Variants in UBE2S observed in about 807,000 individuals in gnomAD.
UBE2S encodes ubiquitin-conjugating enzyme E2 S.
Under a neutral mutation model 12.3 loss-of-function variants are expected in UBE2S, and 3 were observed. That is an observed-to-expected ratio of 0.24 (90% confidence interval 0.11 to 0.63). The LOEUF (loss-of-function observed/expected upper bound fraction) is 0.63. UBE2S is among the 30% of genes least tolerant of loss of function. UBE2S has a pLI of 0.85. For missense variants in UBE2S, 211 were observed against 313.9 expected (o/e 0.67, Z 2.48); for synonymous variants, 133 against 142.0 (o/e 0.94, Z 0.45).
Position 55,407,784 on chromosome 19 carries a change from G to A in UBE2S, c.-195C>T, listed in dbSNP as rs954403285. On this transcript the variant is annotated 5_prime_UTR_variant, in exon 1 of 4. Transcript: ENST00000264552. Reference sequence around the variant, plus strand: ...CGCCGCCCCGGTGCCCGGCAGCACTGAGCCGGCCGCGCGCGCACCACTGCC... The same window carrying A: ...CGCCGCCCCGGTGCCCGGCAGCACTAAGCCGGCCGCGCGCGCACCACTGCC... 8.0e-5 allele frequency: 28 copies of A among 350,466 alleles called. No homozygotes were observed. Among genetic ancestry groups the A allele is most frequent in the Admixed American group, 4.9e-5 (1 of 20,512 alleles). 21.7% of individuals were successfully genotyped at this position (350,466 alleles called of 1,614,324 possible).
chr19:55,401,852 T>G, intron 3 of UBE2S, 90 bp from the exon 4 acceptor site: 2 of 1,362,742 alleles, frequency 1.5e-6, no homozygotes, highest in South Asian at 1.2e-5. Flanking sequence ...CACTGGCTGT[T>G]CCTTCTGCTC....
intron 2 of UBE2S, 98 bp downstream of exon 2, chr19:55,406,717 A>G: frequency 6.8e-7 from 1 of 1,474,390 alleles, no homozygotes; most frequent in Non-Finnish European, 9.1e-7. Flanking sequence ...ACCTGACACG[A>G]GGCCAGCCTG....
At chr19:55,405,070 C>A (rs1028034809) in intron 2 of UBE2S, among the ~76,000 whole-genome samples, 3 of 149,936 alleles carry the variant, frequency 2.0e-5, no homozygotes, top group Admixed American at 6.7e-5. Flanking sequence ...ATTAGCCAGG[C>A]GTGGTGGTGC....
rs1401838892 is a variant in UBE2S, at chr19:55,399,948, C to G, written c.*1488G>C. 1 of 152,180 alleles carries G rather than the reference C, an allele frequency of 6.6e-6. No homozygotes were observed. Among genetic ancestry groups the G allele is most frequent in the Non-Finnish European group, 1.5e-5 (1 of 68,054 alleles). 9.4% of individuals were successfully genotyped at this position (152,180 alleles called of 1,614,324 possible). On this transcript the variant is annotated 3_prime_UTR_variant, in exon 4 of 4. Coordinates refer to ENST00000264552, the MANE Select transcript of UBE2S (RefSeq NM_014501.3). ...AAATCTGAAGGGTTTCTTCCCTTGT[C>G]TTTCCTTCGCTCCCTGCACTGCTAG...
At position 55,404,231 on chromosome 19, in the gene UBE2S, C is replaced by T. The variant is rs886798458; in HGVS notation, c.342+57G>A. On this transcript the variant is annotated intron_variant, in intron 3 of 3. Transcript: ENST00000264552. This position sits in a 1 kb window ranked among gnomAD's most constrained non-coding sequence, Gnocchi z 4.4. Reference sequence around the variant, plus strand: ...ACTAAACAAAGCGCTATGGCTCAGACACCAGCAGACCTCCAGAGGCAGGAG... The same window carrying T: ...ACTAAACAAAGCGCTATGGCTCAGATACCAGCAGACCTCCAGAGGCAGGAG... 5 of 1,605,448 alleles carry T rather than the reference C, an allele frequency of 3.1e-6. No homozygotes were observed. The African/African-American group carries it at 5.3e-5, about 17-fold the overall frequency.
At position 55,401,116 on chromosome 19, in the gene UBE2S, CAA is replaced by C. The variant is rs1330681280; in HGVS notation, c.*318_*319del. Reference sequence around the variant, plus strand: ...TTGTGACCGCTCTACCTCCACAGAACAAAGAGGTGGACCCAAACCTCAAACAG... The same window carrying C: ...TTGTGACCGCTCTACCTCCACAGAACAGAGGTGGACCCAAACCTCAAACAG... On this transcript the variant is annotated 3_prime_UTR_variant, in exon 4 of 4. Transcript: ENST00000264552. 1 of 418,178 alleles carries C rather than the reference CAA, an allele frequency of 2.4e-6. No individual in the cohort carries two copies. The highest frequency in any genetic ancestry group is 2.1e-5 in the African/African-American group (1 of 48,338). 25.9% of individuals were successfully genotyped at this position (418,178 alleles called of 1,614,324 possible).
Position 55,400,163 on chromosome 19 carries a change from G to A in UBE2S, c.*1273C>T, listed in dbSNP as rs2090046546. ...CTTTGAGTTTTCCACTCTCCTATGG[G>A]TCAGAACTTGTAGATTTTTATTGTA... On this transcript the variant is annotated 3_prime_UTR_variant, in exon 4 of 4. Coordinates refer to ENST00000264552, the MANE Select transcript of UBE2S (RefSeq NM_014501.3). The A allele has an allele frequency of 2.0e-5, 3 of 152,112 alleles. No homozygotes were observed. The South Asian group carries it at 6.2e-4, about 32-fold the overall frequency. The allele number at this position is 152,112 out of a possible 1,614,324, so 9.4% of individuals were successfully genotyped here.
At position 55,406,851 on chromosome 19, in the gene UBE2S, C is replaced by G. The variant is rs780705474; in HGVS notation, c.115G>C (p.Asp39His). ...DGIKVFPNEE[D>H]LTDLQVTIEG... is the part of the protein sequence containing the mutation. The stretch of plus-strand genomic sequence containing the variant: ...ATGGTGACCTGGAGGTCGGTGAGGT[C>G]CTCCTCGTTGGGAAAGACCTTGATG... Residue 39 changes from aspartate (D) to histidine (H), a missense_variant, in exon 2 of 4, where the codon GAC becomes CAC. Transcript: ENST00000264552. The G allele has an allele frequency of 1.5e-4, 241 of 1,613,564 alleles. No individual in the cohort carries two copies. The highest frequency in any genetic ancestry group is 2.0e-4 in the Non-Finnish European group (233 of 1,179,820).
rs115380547 is a variant in UBE2S at position 55,405,529 on chromosome 19, C to G, written c.152-1051G>C. Among the ~76,000 whole-genome samples, 697 of 151,924 alleles carry G rather than the reference C, an allele frequency of 4.6e-3. 8 individuals carry two copies. The highest frequency in any genetic ancestry group is 0.016 in the African/African-American group (654 of 41,442). ...GTTTAGAGAGAGAAAAAAAAAAGAG[C>G]AAGAATGGCTGGGTTCCTAGGGGGC... is the stretch of plus-strand genomic sequence containing the variant. On this transcript the variant is annotated intron_variant, in intron 2 of 3. Coordinates refer to ENST00000264552, the MANE Select transcript of UBE2S (RefSeq NM_014501.3).
chr19:55,402,908 T>C, intron 3 of UBE2S: 2 of 1,515,142 alleles, frequency 1.3e-6, no homozygotes, highest in Non-Finnish European at 1.8e-6. Context: ...CCCCAGGGAC[T>C]CATTAGAAAT....
In UBE2S at chr19:55,401,631, G is replaced by A. The variant is rs760828040; in HGVS notation, c.474C>T (p.Ala158=). ...ARLLTEIHGG[A]GGPSGRAEAG... ...CTTCGGCCCTGCCGCTGGGCCCGCC[G>A]GCGCCCCCGTGGATCTCTGTGAGCA... The change falls in exon 4 of 4, where the codon GCC becomes GCT. Residue 158 remains alanine (A), a synonymous_variant. Transcript: ENST00000264552. 7.5e-6 allele frequency: 12 copies of A among 1,605,768 alleles called. No individual in the cohort carries two copies. The highest frequency in any genetic ancestry group is 2.2e-5 in the East Asian group (1 of 44,684).
intron 3 of UBE2S, chr19:55,402,809 G>A (rs1380021785): frequency 2.9e-6 from 2 of 695,028 alleles, no homozygotes; most frequent in African/African-American, 1.8e-5. Context: ...CATGTGGGAG[G>A]GAAGGGTTTG....
Position 55,404,981 on chromosome 19 carries a change from C to T in UBE2S, c.152-503G>A, listed in dbSNP as rs1003613308. On this transcript the variant is annotated intron_variant, in intron 2 of 3. Coordinates refer to ENST00000264552, the MANE Select transcript of UBE2S (RefSeq NM_014501.3). This position sits in a 1 kb window ranked among gnomAD's most constrained non-coding sequence, Gnocchi z 4.4. ...ATCCCAGCACTTTGGGAGGCTAAGGCGGGTGGATCACCTGAGGTCAGGAGT... is the reference window on the plus strand; with the variant it reads ...ATCCCAGCACTTTGGGAGGCTAAGGTGGGTGGATCACCTGAGGTCAGGAGT... 1.3e-5 allele frequency among the ~76,000 whole-genome samples: 2 copies of T among 151,680 alleles called. No individual in the cohort carries two copies. Among genetic ancestry groups the T allele is most frequent in the Non-Finnish European group, 2.9e-5 (2 of 67,902 alleles).
At position 55,403,183 on chromosome 19, in the gene UBE2S, CA is replaced by C. The variant is rs550746129; in HGVS notation, c.342+1104del. ...CATAATACCCCTTGGGGGGCAAAAT[CA>C]CCTCTGGCTGAGAAACACTGGTTTA... On this transcript the variant is annotated intron_variant, in intron 3 of 3. Transcript: ENST00000264552. 1.3e-3 allele frequency: 849 copies of C among 667,912 alleles called. 3 individuals carry two copies. Among genetic ancestry groups the C allele is most frequent in the Non-Finnish European group, 2.1e-3 (765 of 367,382 alleles). The allele number at this position is 667,912 out of a possible 1,614,324, so 41.4% of individuals were successfully genotyped here.
Position 55,404,409 on chromosome 19 carries a change from G to A in UBE2S, c.221C>T (p.Pro74Leu). 6.2e-7 allele frequency: 1 copy of A among 1,613,586 alleles called. No individual in the cohort carries two copies. Among genetic ancestry groups the A allele is most frequent in the South Asian group, 1.1e-5 (1 of 91,054 alleles). Residue 74 changes from proline to leucine, a missense_variant, in exon 3 of 4, where the codon CCA becomes CTA. Pro to Leu is a moderately conservative substitution (Grantham distance 98). Around this residue, in one of 2 missense-constraint regions of UBE2S, gnomAD observed 127 missense variants for 224.0 expected, o/e 0.57. Transcript: ENST00000264552. This position sits in a 1 kb window ranked among gnomAD's most constrained non-coding sequence, Gnocchi z 4.4. ...LLLGKDFPAS[P>L]PKGYFLTKIF... ...CTTGGTCAGGAAGTAGCCCTTGGGT[G>A]GGGAGGCAGGGAAGTCCTTCCCCAG...
rs757533997 is a variant in UBE2S at position 55,401,642 on chromosome 19, G to A, written c.463C>T (p.His155Tyr). 1 of 1,608,374 alleles carries A rather than the reference G, an allele frequency of 6.2e-7. No individual in the cohort carries two copies. The highest frequency in any genetic ancestry group is 1.1e-5 in the South Asian group (1 of 90,754). Reference sequence around the variant, plus strand: ...CCGCTGGGCCCGCCGGCGCCCCCGTGGATCTCTGTGAGCAGACGGGCCCGA... The same window carrying A: ...CCGCTGGGCCCGCCGGCGCCCCCGTAGATCTCTGTGAGCAGACGGGCCCGA... ...AARARLLTEIHGGAGGPSGRA... is the reference protein window; with the variant it reads ...AARARLLTEIYGGAGGPSGRA... The change falls in exon 4 of 4, where the codon CAC (histidine) becomes TAC (tyrosine). Residue 155 changes from histidine to tyrosine, a missense_variant. Around this residue, in one of 2 missense-constraint regions of UBE2S, gnomAD observed 127 missense variants for 224.0 expected, o/e 0.57. Coordinates refer to ENST00000264552, the MANE Select transcript of UBE2S (RefSeq NM_014501.3).
chr19:55,402,484 GC>G (rs2090067323), intron 3 of UBE2S, among the ~76,000 whole-genome samples: 1 of 152,218 alleles, frequency 6.6e-6, no homozygotes, highest in South Asian at 2.1e-4. Flanking sequence ...CTGCAGCCAG[GC>G]CTCCAGCAGC....
intron 1 of UBE2S, among the ~76,000 whole-genome samples, chr19:55,407,335 CG>C (rs901913339): frequency 4.6e-5 from 7 of 152,224 alleles, no homozygotes; most frequent in Middle Eastern, 3.4e-3. Context: ...GAGATGGCGG[CG>C]GGGCGTCCTT....
Position 55,401,369 on chromosome 19 carries a change from T to C in UBE2S, c.*67A>G. ...GACCCCAGCCATAATTTAAATAACT[T>C]AGAGACAGAGTTGGAGGGAGGGGAC... On this transcript the variant is annotated 3_prime_UTR_variant, in exon 4 of 4. Transcript: ENST00000264552. 9.3e-7 allele frequency: 1 copy of C among 1,076,016 alleles called. No individual in the cohort carries two copies. Among genetic ancestry groups the C allele is most frequent in the South Asian group, 1.5e-5 (1 of 67,150 alleles). The allele number at this position is 1,076,016 out of a possible 1,614,324, so 66.7% of individuals were successfully genotyped here.
Sources: allele counts gnomAD v4.1 joint callset (sites outside exome capture counted in the v4.1 genomes callset), GRCh38; gene constraint gnomAD v4.1.1; regional missense constraint gnomAD v4.1.1; non-coding constraint Gnocchi (gnomAD v3.1); transcripts MANE v1.5; gene names NCBI Gene and HGNC (gene_info 2026-07-23, HGNC 2026-07-21).